Variants in LDB2 observed in about 807,000 individuals in gnomAD.
The protein encoded by LDB2 is LIM domain binding 2.
LDB2 carries 12 observed loss-of-function variants against 44.3 expected under a neutral mutation model. The observed-to-expected ratio is 0.27, with a 90% CI of 0.17 to 0.44. The LOEUF is 0.44. Among genes scored for constraint, LDB2 ranks in the 20% least tolerant of loss-of-function variants. The probability of loss-of-function intolerance (pLI) is 1.00; values close to 1 mark genes in which losing one functional copy is unlikely to be tolerated. For synonymous variants in LDB2, 164 were observed against 174.8 expected (o/e 0.94, Z 0.49); for missense variants, 344 against 473.5 (o/e 0.73, Z 2.54).
At chr4:16,634,754 CT>C (rs1207018974) in intron 2 of LDB2, among the ~76,000 whole-genome samples, 4 of 152,094 alleles carry the variant, frequency 2.6e-5, no homozygotes, top group Admixed American at 2.6e-4. Flanking sequence ...GGATCTAGAA[CT>C]AGAAATACCA....
At chr4:16,669,814 C>T (rs1195155348) in intron 2 of LDB2, among the ~76,000 whole-genome samples, 5 of 152,222 alleles carry the variant, frequency 3.3e-5, no homozygotes, top group African/African-American at 7.2e-5. Context: ...TTTCATCCAG[C>T]CCTCTTTCCC....
intron 5 of LDB2, among the ~76,000 whole-genome samples, chr4:16,580,580 G>C (rs1336025899): frequency 1.3e-5 from 2 of 152,182 alleles, no homozygotes; most frequent in Non-Finnish European, 2.9e-5. Context: ...AATATAGTAA[G>C]TAGATGCCAC....
intron 5 of LDB2, among the ~76,000 whole-genome samples, chr4:16,585,550 AG>A (rs1421116215): frequency 2.0e-5 from 3 of 152,176 alleles, no homozygotes; most frequent in African/African-American, 7.2e-5. Context: ...GATTCTCCTA[AG>A]GGGTGACCAG....
At chr4:16,611,987 A>G (rs1282295037) in intron 2 of LDB2, among the ~76,000 whole-genome samples, 1 of 152,230 alleles carries the variant, frequency 6.6e-6, no homozygotes, top group Non-Finnish European at 1.5e-5. Flanking sequence ...CAGCAAATGC[A>G]AAAGAACGGA....
intron 5 of LDB2, among the ~76,000 whole-genome samples, chr4:16,537,343 C>G (rs912983257): frequency 1.3e-5 from 2 of 152,214 alleles, no homozygotes; most frequent in South Asian, 4.1e-4. Context: ...TAGTTTCTTC[C>G]TTCTGGGTGA....
intron 1 of LDB2, among the ~76,000 whole-genome samples, chr4:16,886,328 G>C (rs1721687393): frequency 6.6e-6 from 1 of 152,216 alleles, no homozygotes; most frequent in South Asian, 2.1e-4. Context: ...ATAAACAGAT[G>C]TAAGAATAAT....
chr4:16,867,746 A>C (rs2110318418), intron 1 of LDB2, among the ~76,000 whole-genome samples: 1 of 152,334 alleles, frequency 6.6e-6, no homozygotes, highest in Admixed American at 6.5e-5. Context: ...ATGGTGAAGA[A>C]GTGATCTATA....
intron 3 of LDB2, among the ~76,000 whole-genome samples, chr4:16,595,382 C>T (rs899430593): frequency 3.9e-5 from 6 of 152,156 alleles, no homozygotes; most frequent in South Asian, 2.1e-4. Context: ...ATATTTCTTT[C>T]AGCTATAGTA....
chr4:16,548,709 G>A (rs1736631097), intron 5 of LDB2, among the ~76,000 whole-genome samples: 1 of 152,212 alleles, frequency 6.6e-6, no homozygotes. Flanking sequence ...CCAAATTATA[G>A]TCCTAAAGTT....
chr4:16,879,536 C>T (rs1301809389), intron 1 of LDB2, among the ~76,000 whole-genome samples: 4 of 152,204 alleles, frequency 2.6e-5, no homozygotes, highest in Non-Finnish European at 5.9e-5. Flanking sequence ...CTCTGCCTGG[C>T]TGTTTAAGAG....
chr4:16,508,412 C>A, intron 7 of LDB2, 123 bp downstream of exon 7: 2 of 887,960 alleles, frequency 2.3e-6, no homozygotes, highest in Middle Eastern at 3.8e-4. Flanking sequence ...TTTTATCCCT[C>A]CCCCACCTCC....
intron 2 of LDB2, among the ~76,000 whole-genome samples, chr4:16,645,259 G>A (rs1027031049): frequency 2.6e-5 from 4 of 152,114 alleles, no homozygotes; most frequent in Admixed American, 1.3e-4. Context: ...ATTGGTGGCC[G>A]GGCGCGGTGG....
At chr4:16,795,481 T>C (rs1278502973) in intron 1 of LDB2, among the ~76,000 whole-genome samples, 4 of 152,156 alleles carry the variant, frequency 2.6e-5, no homozygotes, top group African/African-American at 4.8e-5. Flanking sequence ...CTGGGCTTTA[T>C]CTTGAGGTCA....
chr4:16,673,696 C>T (rs1339975055), intron 2 of LDB2, among the ~76,000 whole-genome samples: 2 of 152,138 alleles, frequency 1.3e-5, no homozygotes, highest in African/African-American at 2.4e-5. Context: ...TTGGTTGCCA[C>T]AATTGATGGG....
chr4:16,505,113 G>GAATT (rs1451335487), intron 7 of LDB2, among the ~76,000 whole-genome samples: 2 of 152,194 alleles, frequency 1.3e-5, no homozygotes, highest in Non-Finnish European at 2.9e-5. Flanking sequence ...TGCATTCATT[G>GAATT]AATTAGAAAA....
chr4:16,857,025 G>A (rs1789484183), intron 1 of LDB2, among the ~76,000 whole-genome samples: 1 of 152,114 alleles, frequency 6.6e-6, no homozygotes. Context: ...TTCTGAAGTA[G>A]ACTTGAAGTC....
intron 1 of LDB2, among the ~76,000 whole-genome samples, chr4:16,808,896 A>G (rs1779269598): frequency 6.6e-6 from 1 of 152,158 alleles, no homozygotes. Context: ...GTCCCCTTGC[A>G]TGAATGGGAT....
chr4:16,549,225 A>G (rs1379551007), intron 5 of LDB2, among the ~76,000 whole-genome samples: 2 of 152,172 alleles, frequency 1.3e-5, no homozygotes, highest in Non-Finnish European at 2.9e-5. Flanking sequence ...AGCTTTTAGG[A>G]GCACTCAGTG....
intron 2 of LDB2, among the ~76,000 whole-genome samples, chr4:16,665,238 A>G (rs1245070763): frequency 1.3e-5 from 2 of 150,556 alleles, no homozygotes; most frequent in Non-Finnish European, 2.9e-5. Flanking sequence ...TCAGTTCCCC[A>G]GAAGTAGATA....
Sources: allele counts gnomAD v4.1 joint callset (sites outside exome capture counted in the v4.1 genomes callset), GRCh38; gene constraint gnomAD v4.1.1; transcripts MANE v1.5; gene names NCBI Gene and HGNC (gene_info 2026-07-23, HGNC 2026-07-21).